The following TENM2 variants were observed in gnomAD, a reference collection of about 807,000 sequenced individuals.
The protein encoded by TENM2 is teneurin transmembrane protein 2.
TENM2 carries 52 observed loss-of-function variants against 245.2 expected under a neutral mutation model. The observed-to-expected ratio is 0.21, with a 90% CI of 0.17 to 0.27. The LOEUF is 0.27. TENM2 is among the 10% of genes least tolerant of loss of function. TENM2 has a pLI of 1.00. For synonymous variants in TENM2, 1,363 were observed against 1,438.9 expected (o/e 0.95, Z 1.19); for missense variants, 3,046 against 3,666.8 (o/e 0.83, Z 4.37).
At chr5:167,637,074 A>G (rs1351523265) in intron 2 of TENM2, among the ~76,000 whole-genome samples, 9 of 152,202 alleles carry the variant, frequency 5.9e-5, no homozygotes, top group Non-Finnish European at 1.3e-4. Flanking sequence ...TGGGGGAAAC[A>G]AAATCATCTA....
intron 2 of TENM2, among the ~76,000 whole-genome samples, chr5:167,612,829 G>A (rs1777559194): frequency 6.6e-6 from 1 of 151,976 alleles, no homozygotes; most frequent in Non-Finnish European, 1.5e-5. Flanking sequence ...TCAACTCTAA[G>A]ATTTTCCAAA....
At chr5:167,539,463 A>G (rs532962340) in intron 2 of TENM2, among the ~76,000 whole-genome samples, 2 of 152,174 alleles carry the variant, frequency 1.3e-5, no homozygotes, top group East Asian at 3.9e-4. Context: ...AATGACTTCT[A>G]CTCTTTCATT....
chr5:168,009,085 T>C (rs1338775672), intron 5 of TENM2, among the ~76,000 whole-genome samples: 2 of 152,174 alleles, frequency 1.3e-5, no homozygotes, highest in Non-Finnish European at 2.9e-5. Flanking sequence ...TTACATGTAG[T>C]GCAAATTCTG....
the TENM2 span, among the ~76,000 whole-genome samples, chr5:167,112,831 A>G: frequency 6.6e-6 from 1 of 152,236 alleles, no homozygotes; most frequent in African/African-American, 2.4e-5. Context: ...CACAGTATGA[A>G]TGGAGCAATT....
the TENM2 span, among the ~76,000 whole-genome samples, chr5:167,007,976 G>C: frequency 2.0e-5 from 3 of 152,092 alleles, no homozygotes; most frequent in South Asian, 6.2e-4. This position sits in a 1 kb window ranked among gnomAD's most constrained non-coding sequence, Gnocchi z 4.2. Flanking sequence ...GCTTCCCTGT[G>C]CAACTAAGCC....
intron 2 of TENM2, among the ~76,000 whole-genome samples, chr5:167,659,190 G>T (rs1561646295): frequency 6.6e-6 from 1 of 152,188 alleles, no homozygotes; most frequent in Non-Finnish European, 1.5e-5. Context: ...TGATGCATTT[G>T]TTGGTGTTCA....
At chr5:167,745,453 G>A (rs1761491024) in intron 2 of TENM2, among the ~76,000 whole-genome samples, 1 of 152,162 alleles carries the variant, frequency 6.6e-6, no homozygotes, top group African/African-American at 2.4e-5. Context: ...GAAATGTAGG[G>A]AGATTTCTTA....
intron 2 of TENM2, among the ~76,000 whole-genome samples, chr5:167,592,828 T>C (rs1775967934): frequency 6.6e-6 from 1 of 152,204 alleles, no homozygotes; most frequent in African/African-American, 2.4e-5. Context: ...AACATACATT[T>C]GATTTTTTGT....
chr5:167,651,719 C>A (rs1019552721), intron 2 of TENM2, among the ~76,000 whole-genome samples: 8 of 152,166 alleles, frequency 5.3e-5, no homozygotes, highest in African/African-American at 1.7e-4. Flanking sequence ...GTGTCCAGCT[C>A]TAACTCTAAG....
At chr5:167,465,108 T>G (rs1180930578) in intron 2 of TENM2, among the ~76,000 whole-genome samples, 1 of 152,208 alleles carries the variant, frequency 6.6e-6, no homozygotes, top group Non-Finnish European at 1.5e-5. Flanking sequence ...AAGTTGCAAG[T>G]GATGTCAAGT....
At chr5:167,969,079 TG>T (rs1781582727) in intron 4 of TENM2, among the ~76,000 whole-genome samples, 1 of 152,164 alleles carries the variant, frequency 6.6e-6, no homozygotes, top group Admixed American at 6.5e-5. Context: ...ATGCCGACTT[TG>T]TGCCCAGTAG....
chr5:167,101,850 T>TATATATATATATATATATATATAA, the TENM2 span, among the ~76,000 whole-genome samples: 1 of 51,526 alleles, frequency 1.9e-5, no homozygotes, highest in Non-Finnish European at 3.5e-5. Flanking sequence ...TATATATATT[T>TATATATATATATATATATATATAA]ATATATATAT....
intron 2 of TENM2, among the ~76,000 whole-genome samples, chr5:167,734,233 G>A (rs1221673944): frequency 1.3e-5 from 2 of 152,038 alleles, no homozygotes; most frequent in Non-Finnish European, 2.9e-5. Context: ...ATAGTTTTTA[G>A]TATTTTCCCT....
chr5:167,991,045 G>A lies in TENM2; in HGVS notation c.948-1899G>A, dbSNP rs189831688. Among the ~76,000 whole-genome samples the A allele has an allele frequency of 2.3e-3, 347 of 152,218 alleles. No individual in the cohort carries two copies. The Middle Eastern group carries it at 0.024, about 10-fold the overall frequency. ...ACTGGAGCTTGAGCCCTAATGACCC[G>A]CTTGCCAACTCCCAGCGTCAGTTTT... On this transcript the variant is annotated intron_variant, in intron 4 of 28. Transcript: ENST00000518659.
chr5:168,047,742 G>A (rs545162328), intron 6 of TENM2, among the ~76,000 whole-genome samples, 193 bp downstream of exon 8: 29 of 152,336 alleles, frequency 1.9e-4, no homozygotes, highest in African/African-American at 7.0e-4. Context: ...GCTGTGTTTG[G>A]CTGGATCACT....
the TENM2 span, among the ~76,000 whole-genome samples, chr5:167,145,790 A>G: frequency 6.6e-6 from 1 of 152,168 alleles, no homozygotes; most frequent in Non-Finnish European, 1.5e-5. Flanking sequence ...GTTGAGAACG[A>G]TAGCAGTTTG....
intron 2 of TENM2, among the ~76,000 whole-genome samples, chr5:167,502,895 A>C (rs1769299900): frequency 6.6e-6 from 1 of 152,134 alleles, no homozygotes; most frequent in African/African-American, 2.4e-5. Flanking sequence ...AGCTTTTGAG[A>C]ACTGCTCAAC....
At chr5:167,939,989 T>C (rs900114600) in intron 3 of TENM2, among the ~76,000 whole-genome samples, 1 of 152,210 alleles carries the variant, frequency 6.6e-6, no homozygotes, top group East Asian at 1.9e-4. Context: ...GGGAGGCCTC[T>C]GCTCCCATTA....
At chr5:167,605,811 G>A (rs1263244773) in intron 2 of TENM2, among the ~76,000 whole-genome samples, 2 of 152,164 alleles carry the variant, frequency 1.3e-5, no homozygotes, top group Non-Finnish European at 2.9e-5. Flanking sequence ...ATCATCTCCT[G>A]AAGTGGTTCT....
Sources: gnomAD v4.1 joint callset for allele counts (sites outside exome capture counted in the v4.1 genomes callset) on GRCh38, gnomAD v4.1.1 for gene constraint, Gnocchi (gnomAD v3.1) non-coding constraint, MANE v1.5 for transcripts, NCBI Gene and HGNC (gene_info 2026-07-23, HGNC 2026-07-21) for gene names.